Variants in TRAPPC10 observed in about 807,000 individuals in gnomAD.
TRAPPC10 encodes the protein TRAPP 130 kDa subunit.
A neutral mutation model predicts 125.5 loss-of-function variants in TRAPPC10; 23 were observed. The observed-to-expected ratio is 0.18, with a 90% CI of 0.13 to 0.26. TRAPPC10 has a LOEUF of 0.26. Ranked by LOEUF, TRAPPC10 falls within the 10% of genes least tolerant of loss-of-function variation. TRAPPC10 has a pLI of 1.00. For synonymous variants in TRAPPC10, 509 were observed against 518.0 expected (o/e 0.98, Z 0.24); for missense variants, 1,123 against 1,308.4 (o/e 0.86, Z 2.19).
intron 2 of TRAPPC10, among the ~76,000 whole-genome samples, chr21:44,036,863 C>T (rs559790383): frequency 3.3e-5 from 5 of 152,144 alleles, no homozygotes; most frequent in Non-Finnish European, 5.9e-5. Flanking sequence ...CCTTAAGTTA[C>T]GTACTGAGAA....
At chr21:44,095,223 A>T (rs956456173) in intron 20 of TRAPPC10, among the ~76,000 whole-genome samples, 1 of 149,624 alleles carries the variant, frequency 6.7e-6, no homozygotes, top group Non-Finnish European at 1.5e-5. Context: ...AATTATTTTT[A>T]TTTTATTTTA....
intron 3 of TRAPPC10, among the ~76,000 whole-genome samples, chr21:44,043,695 G>C (rs2034576044): frequency 6.6e-6 from 1 of 152,166 alleles, no homozygotes; most frequent in African/African-American, 2.4e-5. Flanking sequence ...GGCTGGGCCT[G>C]TGTTTCCTCC....
intron 2 of TRAPPC10, among the ~76,000 whole-genome samples, chr21:44,033,379 C>T (rs1254995153): frequency 6.6e-6 from 1 of 151,922 alleles, no homozygotes; most frequent in Non-Finnish European, 1.5e-5. Flanking sequence ...CATTTAGTTG[C>T]TAATATTTAA....
Position 44,076,568 on chromosome 21 carries a change from T to G in TRAPPC10, c.1317T>G (p.Ser439Arg), listed in dbSNP as rs1289923490. The change falls in exon 10 of 23, where the codon AGT (serine) becomes AGG (arginine). Residue 439 changes from serine (S) to arginine (R), a missense_variant. Physicochemically the swap from Ser to Arg is moderately radical, Grantham distance 110. This residue lies in a region of TRAPPC10 where 840 missense variants were observed against 902.0 expected (regional missense o/e 0.93). Coordinates refer to ENST00000291574, the MANE Select transcript of TRAPPC10 (RefSeq NM_003274.5). ...CTGTTTAAGCCAACACAGCTCAGAG[T>G]CCTTATAAGAAACTGAAAGAAGCAT... Reference protein sequence around the residue: ...ERPETANTAQSPYKKLKEALS... With the variant: ...ERPETANTAQRPYKKLKEALS... 2 of 1,614,050 alleles carry G rather than the reference T, an allele frequency of 1.2e-6. No homozygotes were observed. The highest frequency in any genetic ancestry group is 3.3e-5 in the Admixed American group (2 of 60,016).
rs767154794 is a variant in TRAPPC10 at position 44,055,842 on chromosome 21, G to A, written c.627G>A (p.Arg209=). Residue 209 remains arginine, a synonymous_variant, in exon 5 of 23, where the codon AGG becomes AGA. Transcript: ENST00000291574. ...GKFEDDMRTL[R]EKRTEPGWSF... is the part of the protein sequence containing the mutation. The stretch of plus-strand genomic sequence containing the variant: ...TTGAGGATGACATGAGAACCTTGAG[G>A]GAGAAGAGGACTGAGCCAGGCTGGA... 8.1e-6 allele frequency: 13 copies of A among 1,613,072 alleles called. No homozygotes were observed. Among genetic ancestry groups the A allele is most frequent in the South Asian group, 1.1e-5 (1 of 91,016 alleles).
Position 44,092,177 on chromosome 21 carries a change from G to A in TRAPPC10, c.2997+128G>A, listed in dbSNP as rs183696398. The A allele has an allele frequency of 1.0e-3, 1,266 of 1,214,906 alleles. 2 individuals are homozygous for A. Among genetic ancestry groups the A allele is most frequent in the Admixed American group, 2.6e-3 (105 of 40,336 alleles). The allele number at this position is 1,214,906 out of a possible 1,614,324, so 75.3% of individuals were successfully genotyped here. A position where few individuals can be genotyped will look rare whatever the true frequency, so the allele number is the denominator to read the frequency against. ...GCACTGCTGATGAGTAAAGGCTCCT[G>A]TGCAGCTCCTCCGGCTGCCCTGAGG... is the stretch of plus-strand genomic sequence containing the variant. On this transcript the variant is annotated intron_variant, in intron 19 of 22. Coordinates refer to ENST00000291574, the MANE Select transcript of TRAPPC10 (RefSeq NM_003274.5).
intron 17 of TRAPPC10, chr21:44,088,133 A>G (rs2038276939): frequency 1.7e-6 from 1 of 588,396 alleles, no homozygotes; most frequent in Admixed American, 3.0e-5. Context: ...GAGACAAGCC[A>G]GCTCTACCTT....
chr21:44,057,790 G>A (rs893805928), intron 5 of TRAPPC10, among the ~76,000 whole-genome samples: 2 of 152,202 alleles, frequency 1.3e-5, no homozygotes, highest in African/African-American at 2.4e-5. Flanking sequence ...ACAAAGGAGA[G>A]CTCTCAGTTC....
At chr21:44,077,093 A>G (rs981914780) in intron 10 of TRAPPC10, among the ~76,000 whole-genome samples, 1 of 152,186 alleles carries the variant, frequency 6.6e-6, no homozygotes, top group Admixed American at 6.5e-5. Flanking sequence ...TGTACCTCTT[A>G]TACACACAAG....
At chr21:44,038,239 C>T (rs1407624007) in intron 3 of TRAPPC10, among the ~76,000 whole-genome samples, 3 of 152,196 alleles carry the variant, frequency 2.0e-5, no homozygotes, top group East Asian at 1.9e-4. Flanking sequence ...CCTGGTCTGG[C>T]GTGCTGTGCT....
In TRAPPC10 at chr21:44,063,791, T is replaced by C; in HGVS notation, c.1038+6T>C. The C allele has an allele frequency of 6.2e-7, 1 of 1,607,426 alleles. No homozygotes were observed. Among genetic ancestry groups the C allele is most frequent in the Non-Finnish European group, 8.5e-7 (1 of 1,176,438 alleles). ...AGGAACTGAAGCTCTTAGAAGTGAG[T>C]CGGCTGTTTTCCCAATTTACCCGTT... On this transcript the variant is annotated splice_donor_region_variant and intron_variant, in intron 7 of 22. Transcript: ENST00000291574. The surrounding 1 kb of genome is among the most constrained non-coding windows in gnomAD (Gnocchi z 4.4).
At position 44,012,574 on chromosome 21, in the gene TRAPPC10, G is replaced by A. The variant is rs2031231797; in HGVS notation, c.67+14G>A. On this transcript the variant is annotated intron_variant, in intron 1 of 22. Coordinates refer to ENST00000291574, the MANE Select transcript of TRAPPC10 (RefSeq NM_003274.5). Reference sequence around the variant, plus strand: ...CCATCGTCACCTGTGAGTGCCCGGAGGCGGGGAGGGCGCGGCGGTCGTTGG... The same window carrying A: ...CCATCGTCACCTGTGAGTGCCCGGAAGCGGGGAGGGCGCGGCGGTCGTTGG... 1.3e-6 allele frequency: 2 copies of A among 1,531,850 alleles called. No individual in the cohort carries two copies. Among genetic ancestry groups the A allele is most frequent in the African/African-American group, 2.8e-5 (2 of 71,878 alleles). 94.9% of individuals were successfully genotyped at this position (1,531,850 alleles called of 1,614,324 possible). A position where few individuals can be genotyped will look rare whatever the true frequency, so the allele number is the denominator to read the frequency against.
intron 19 of TRAPPC10, among the ~76,000 whole-genome samples, chr21:44,092,441 TG>T (rs755995710): frequency 2.0e-5 from 3 of 152,252 alleles, no homozygotes; most frequent in Non-Finnish European, 4.4e-5. Flanking sequence ...GCCATGCTTG[TG>T]CCTGCATCTG....
chr21:44,089,746 C>T, intron 17 of TRAPPC10, 87 bp from the exon 18 acceptor site: 1 of 946,768 alleles, frequency 1.1e-6, no homozygotes, highest in Non-Finnish European at 1.7e-6. Context: ...CGTGGGCGGG[C>T]ACTGCAGGTG....
chr21:44,087,699 A>G lies in TRAPPC10; in HGVS notation c.2540A>G (p.Glu847Gly). The change falls in exon 17 of 23, where the codon GAA (glutamate) becomes GGA (glycine). Residue 847 changes from glutamate to glycine, a missense_variant and splice_region_variant. Physicochemically the swap from Glu to Gly is moderately conservative, Grantham distance 98 (BLOSUM62 -2). Transcript: ENST00000291574. The surrounding 1 kb of genome is among the most constrained non-coding windows in gnomAD (Gnocchi z 4.6). The part of the protein sequence containing the change: ...SRAVVYSNTR[E>G]QSSEAALRIQ... ...AAGTGACTTTTTCTGTCCTTCGTAG[A>G]ACAGTCTTCTGAGGCCGCGCTCCGG... The G allele has an allele frequency of 6.2e-7, 1 of 1,613,032 alleles. No homozygotes were observed. Among genetic ancestry groups the G allele is most frequent in the Non-Finnish European group, 8.5e-7 (1 of 1,179,916 alleles).
chr21:44,046,037 G>A (rs1041151928), intron 3 of TRAPPC10, among the ~76,000 whole-genome samples: 1 of 151,788 alleles, frequency 6.6e-6, no homozygotes, highest in Non-Finnish European at 1.5e-5. Context: ...TACAAAACCA[G>A]ATGTTTGTTA....
intron 20 of TRAPPC10, among the ~76,000 whole-genome samples, chr21:44,094,759 T>C (rs2038812842): frequency 1.3e-5 from 2 of 152,186 alleles, no homozygotes; most frequent in African/African-American, 4.8e-5. Context: ...GTGTGTGCTG[T>C]GTTCCTTTAG....
intron 4 of TRAPPC10, among the ~76,000 whole-genome samples, chr21:44,054,592 T>G (rs1216355280): frequency 6.6e-6 from 1 of 152,202 alleles, no homozygotes. Context: ...AATTTACCAT[T>G]TCCAGCCTAT....
At chr21:44,049,584 T>G (rs2035097726) in intron 3 of TRAPPC10, among the ~76,000 whole-genome samples, 1 of 152,190 alleles carries the variant, frequency 6.6e-6, no homozygotes, top group African/African-American at 2.4e-5. Flanking sequence ...TTATACCACT[T>G]ACACCCTTAT....
Sources: gnomAD v4.1 joint callset for allele counts (sites outside exome capture counted in the v4.1 genomes callset) on GRCh38, gnomAD v4.1.1 for gene constraint, gnomAD v4.1.1 regional missense constraint, Gnocchi (gnomAD v3.1) non-coding constraint, MANE v1.5 for transcripts, NCBI Gene and HGNC (gene_info 2026-07-23, HGNC 2026-07-21) for gene names.